FERMT3: variants seen among roughly 807,000 people sequenced by gnomAD.
The protein encoded by FERMT3 is fermitin family homolog 3.
A neutral mutation model predicts 80.8 loss-of-function variants in FERMT3; 33 were observed. That is an observed-to-expected ratio of 0.41 (90% CI 0.31 to 0.55). The LOEUF is 0.55. Among genes scored for constraint, FERMT3 ranks in the 20% least tolerant of loss-of-function variants. FERMT3 has a pLI of 0.31. For synonymous variants in FERMT3, 375 were observed against 372.2 expected (o/e 1.01, Z -0.09); for missense variants, 754 against 908.7 (o/e 0.83, Z 2.19).
At position 64,220,610 on chromosome 11, in the gene FERMT3, G is replaced by C. The variant is rs1478637268; in HGVS notation, c.1486G>C (p.Gly496Arg). The change falls in exon 12 of 15, where the codon GGC (glycine) becomes CGC (arginine). Residue 496 changes from glycine (G) to arginine (R), a missense_variant. Transcript: ENST00000345728. ...HPHGPDASAE[G>R]LNPYGLVAPR... ...CCACGGCCCTGATGCCTCTGCCGAG[G>C]GCCTCAACCCCTACGGCCTCGTTGC... The C allele has an allele frequency of 6.2e-7, 1 of 1,611,288 alleles. No individual in the cohort carries two copies. The highest frequency in any genetic ancestry group is 8.5e-7 in the Non-Finnish European group (1 of 1,179,270).
At position 64,220,499 on chromosome 11, in the gene FERMT3, G is replaced by A. The variant is rs374091426; in HGVS notation, c.1375G>A (p.Asp459Asn). Reference protein sequence around the residue: ...RLASKGRTMADSSYTSEVQAI... With the variant: ...RLASKGRTMANSSYTSEVQAI... Reference sequence around the variant, plus strand: ...GGCCTCCAAAGGCCGCACCATGGCCGACAGCAGCTACACCAGCGAGGTGCA... The same window carrying A: ...GGCCTCCAAAGGCCGCACCATGGCCAACAGCAGCTACACCAGCGAGGTGCA... The change falls in exon 12 of 15, where the codon GAC becomes AAC. Residue 459 changes from aspartate (D) to asparagine (N), a missense_variant. By Grantham distance (23) the Asp-to-Asn change is conservative. Transcript: ENST00000345728. 127 of 1,608,342 alleles carry A rather than the reference G, an allele frequency of 7.9e-5. 2 individuals are homozygous for A. The highest frequency in any genetic ancestry group is 1.3e-4 in the South Asian group (12 of 90,618).
chr11:64,214,806 GTT>G (rs751133114), intron 6 of FERMT3, among the ~76,000 whole-genome samples: 3 of 140,324 alleles, frequency 2.1e-5, no homozygotes. Context: ...CTTTTATAGG[GTT>G]TTTTTTTTTT....
At chr11:64,214,604 C>A (rs1175416167) in intron 6 of FERMT3, among the ~76,000 whole-genome samples, 3 of 152,144 alleles carry the variant, frequency 2.0e-5, no homozygotes, top group African/African-American at 7.2e-5. Flanking sequence ...GCCTCAACCT[C>A]CCAATATGCT....
rs1946659626 is a variant in FERMT3, at chr11:64,220,623, A to G, written c.1499A>G (p.Tyr500Cys). 1.2e-6 allele frequency: 2 copies of G among 1,611,610 alleles called. No individual in the cohort carries two copies. The highest frequency in any genetic ancestry group is 1.3e-5 in the African/African-American group (1 of 74,888). The change falls in exon 12 of 15, where the codon TAC becomes TGC. Residue 500 changes from tyrosine to cysteine, a missense_variant. By Grantham distance (194) the Tyr-to-Cys change is radical (BLOSUM62 -2). Coordinates refer to ENST00000345728, the MANE Select transcript of FERMT3 (RefSeq NM_031471.6). ...PDASAEGLNP[Y>C]GLVAPRFQRK... ...GCCTCTGCCGAGGGCCTCAACCCCT[A>G]CGGCCTCGTTGCCCCCCGTTTCCAG... is the stretch of plus-strand genomic sequence containing the variant.
In FERMT3 at chr11:64,211,772, G is replaced by T; in HGVS notation, c.786+25G>T. The T allele has an allele frequency of 6.2e-7, 1 of 1,610,444 alleles. No individual in the cohort carries two copies. The highest frequency in any genetic ancestry group is 8.5e-7 in the Non-Finnish European group (1 of 1,176,794). On this transcript the variant is annotated intron_variant, in intron 6 of 14. Transcript: ENST00000345728. This position sits in a 1 kb window ranked among gnomAD's most constrained non-coding sequence, Gnocchi z 4.7. ...GGTGGGTCGGGGCAGGGAGAAAGCG[G>T]GCCTCAGGTCCATGAGATGTGGAGA...
intron 6 of FERMT3, among the ~76,000 whole-genome samples, chr11:64,212,121 G>C (rs923212902): frequency 6.6e-5 from 10 of 152,204 alleles, no homozygotes; most frequent in African/African-American, 2.4e-4. Context: ...CTCTGGGAAG[G>C]CTTCCTGGAG....
In FERMT3 at chr11:64,222,497, G is replaced by A. The variant is rs997351679; in HGVS notation, c.1671-551G>A. ...GGAGAATCACTTGAACCCGGGAGGCGGAGGTTGCAGTGAGCCGAGATCGAG... is the reference window on the plus strand; with the variant it reads ...GGAGAATCACTTGAACCCGGGAGGCAGAGGTTGCAGTGAGCCGAGATCGAG... On this transcript the variant is annotated intron_variant, in intron 13 of 14. Transcript: ENST00000345728. Among the ~76,000 whole-genome samples, 8 of 150,694 alleles carry A rather than the reference G, an allele frequency of 5.3e-5. No homozygotes were observed. The East Asian group carries it at 1.6e-3, about 29-fold the overall frequency.
chr11:64,223,645 T>C lies in FERMT3; in HGVS notation c.*153T>C, dbSNP rs1946777824. 1.0e-6 allele frequency: 1 copy of C among 993,562 alleles called. No homozygotes were observed. Among genetic ancestry groups the C allele is most frequent in the African/African-American group, 1.6e-5 (1 of 62,530 alleles). 61.5% of individuals were successfully genotyped at this position (993,562 alleles called of 1,614,324 possible). A position where few individuals can be genotyped will look rare whatever the true frequency, so the allele number is the denominator to read the frequency against. ...ACTGACTTTGTGCAGGCCAAGGACC[T>C]GGCAGGGCCAGACGCTGTACCATCA... On this transcript the variant is annotated 3_prime_UTR_variant, in exon 15 of 15. Coordinates refer to ENST00000345728, the MANE Select transcript of FERMT3 (RefSeq NM_031471.6).
rs1946540938 is a variant in FERMT3, at chr11:64,215,975, G to T, written c.787-3276G>T. ...GCCTCCTGAGTAGCTGGGATTATAG[G>T]CATCTGCCACCACACCCAACTAATT... On this transcript the variant is annotated intron_variant, in intron 6 of 14. Transcript: ENST00000345728. Among the ~76,000 whole-genome samples, 6 of 151,746 alleles carry T rather than the reference G, an allele frequency of 4.0e-5. No homozygotes were observed. The South Asian group carries it at 1.0e-3, about 26-fold the overall frequency.
intron 1 of FERMT3, 81 bp downstream of exon 1, chr11:64,206,895 T>G (rs1946321869): frequency 6.2e-6 from 1 of 161,152 alleles, no homozygotes; most frequent in African/African-American, 2.4e-5. Flanking sequence ...CCTCTCGCCA[T>G]GCGGCAGCCT....
intron 6 of FERMT3, among the ~76,000 whole-genome samples, chr11:64,214,399 G>A (rs1946508183): frequency 6.6e-6 from 1 of 151,832 alleles, no homozygotes; most frequent in African/African-American, 2.4e-5. Context: ...AGGCTAGAGT[G>A]CAATGGTGTG....
In FERMT3 at chr11:64,220,044, G is replaced by A. The variant is rs1263498944; in HGVS notation, c.1204+29G>A. 3 of 1,612,130 alleles carry A rather than the reference G, an allele frequency of 1.9e-6. No homozygotes were observed. The African/African-American group carries it at 4.0e-5, about 22-fold the overall frequency. On this transcript the variant is annotated intron_variant, in intron 10 of 14. Coordinates refer to ENST00000345728, the MANE Select transcript of FERMT3 (RefSeq NM_031471.6). ...AGTGCACAGGGCCAGGGGCTGGGTG[G>A]GGGGATCCCCACTTGTGGGCTAGGC...
chr11:64,208,556 C>T (rs1021111029), intron 2 of FERMT3, among the ~76,000 whole-genome samples: 4 of 152,248 alleles, frequency 2.6e-5, no homozygotes, highest in Non-Finnish European at 4.4e-5. Flanking sequence ...GGGCCAGTCC[C>T]TGGCCTCCTG....
chr11:64,222,989 G>C, intron 13 of FERMT3, 59 bp from the exon 14 acceptor site: 1 of 1,607,544 alleles, frequency 6.2e-7, no homozygotes, highest in Non-Finnish European at 8.5e-7. Context: ...CACATTGTCT[G>C]GGCGGGCTCT....
At position 64,221,084 on chromosome 11, in the gene FERMT3, C is replaced by T. The variant is rs1169528118; in HGVS notation, c.1614C>T (p.Arg538=). The T allele has an allele frequency of 6.2e-7, 1 of 1,612,248 alleles. No individual in the cohort carries two copies. Among genetic ancestry groups the T allele is most frequent in the Admixed American group, 1.7e-5 (1 of 60,004 alleles). ...TGTCGCTGGCAGAGGCCCAGCTGCG[C>T]TTCATCCAGGCCTGGCAGTCCCTGC... ...AQLSLAEAQL[R]FIQAWQSLPD... The change falls in exon 13 of 15, where the codon CGC becomes CGT. Residue 538 remains arginine, a synonymous_variant. Transcript: ENST00000345728.
At chr11:64,218,705 C>T (rs561949701) in intron 6 of FERMT3, among the ~76,000 whole-genome samples, 2 of 152,356 alleles carry the variant, frequency 1.3e-5, no homozygotes, top group Non-Finnish European at 2.9e-5. Flanking sequence ...GGGATCCCCT[C>T]TTGGAGTCTC....
At position 64,223,040 on chromosome 11, in the gene FERMT3, G is replaced by C. The variant is rs1475893969; in HGVS notation, c.1671-8G>C. On this transcript the variant is annotated splice_region_variant and splice_polypyrimidine_tract_variant and intron_variant, in intron 13 of 14. Transcript: ENST00000345728. ...AGCCCTGGCTCACTCTCTCTCCCTG[G>C]GGGCCAGGTTCAAGGGCAGCAGGAA... The C allele has an allele frequency of 6.2e-7, 1 of 1,613,360 alleles. No individual in the cohort carries two copies. The highest frequency in any genetic ancestry group is 1.1e-5 in the South Asian group (1 of 91,078).
intron 2 of FERMT3, chr11:64,207,774 A>G: frequency 2.1e-6 from 1 of 485,938 alleles, no homozygotes; most frequent in East Asian, 3.8e-5. Flanking sequence ...TCCTCCATTC[A>G]GCCACCAATA....
Position 64,211,680 on chromosome 11 carries a change from G to T in FERMT3, c.719G>T (p.Gly240Val). The change falls in exon 6 of 15, where the codon GGC becomes GTC. Residue 240 changes from glycine (G) to valine (V), a missense_variant. Gly to Val is a moderately radical substitution (Grantham distance 109). Transcript: ENST00000345728. This position sits in a 1 kb window ranked among gnomAD's most constrained non-coding sequence, Gnocchi z 4.7. ...LDSSRCLMQQ[G>V]IKAGDALWLR... ...TCGTCGCGGTGTCTCATGCAGCAGG[G>T]CATCAAGGCCGGGGACGCACTCTGG... 1 of 1,614,184 alleles carries T rather than the reference G, an allele frequency of 6.2e-7. No individual in the cohort carries two copies.
Sources: allele counts gnomAD v4.1 joint callset (sites outside exome capture counted in the v4.1 genomes callset), GRCh38; gene constraint gnomAD v4.1.1; non-coding constraint Gnocchi (gnomAD v3.1); transcripts MANE v1.5; gene names NCBI Gene and HGNC (gene_info 2026-07-23, HGNC 2026-07-21).